The following GRM5 variants were observed in gnomAD, a reference collection of about 807,000 sequenced individuals.
GRM5 encodes glutamate metabotropic receptor 5.
In GRM5, 19 loss-of-function variants were observed where a neutral mutation model predicts 83.1. The ratio of observed to expected loss-of-function variants is 0.23; its 90% CI spans 0.16 to 0.34. The LOEUF is 0.34. Among genes scored for constraint, GRM5 ranks in the 10% least tolerant of loss-of-function variants. GRM5 has a pLI of 1.00. For synonymous variants in GRM5, 675 were observed against 633.6 expected, an observed-to-expected ratio of 1.07 and a Z score of -0.98; for missense variants, 1,160 against 1,588.3, an observed-to-expected ratio of 0.73 and a Z score of 4.58.
chr11:89,039,954 G>A, intron 2 of GRM5, among the ~76,000 whole-genome samples: 1 of 152,262 alleles, frequency 6.6e-6, no homozygotes, highest in East Asian at 1.9e-4. Flanking sequence ...ACCATGTCTA[G>A]CTAATTTTTC....
At chr11:88,627,009 A>G (rs1938816769) in intron 4 of GRM5, among the ~76,000 whole-genome samples, 1 of 152,132 alleles carries the variant, frequency 6.6e-6, no homozygotes, top group South Asian at 2.1e-4. Context: ...TGTCAATGTT[A>G]TTTTCTTATG....
chr11:88,631,771 G>A (rs1938976074), intron 4 of GRM5, among the ~76,000 whole-genome samples: 1 of 152,148 alleles, frequency 6.6e-6, no homozygotes. Context: ...GGGATTAAAA[G>A]CAGGAGGAGA....
At chr11:89,024,924 A>T (rs1941092979) in intron 2 of GRM5, among the ~76,000 whole-genome samples, 1 of 152,180 alleles carries the variant, frequency 6.6e-6, no homozygotes, top group Non-Finnish European at 1.5e-5. Flanking sequence ...TAATCAAATG[A>T]GCTCTACACC....
rs962331566 is a variant in GRM5 at position 88,745,934 on chromosome 11, G to A, written c.912-92531C>T. On this transcript the variant is annotated intron_variant, in intron 3 of 9. Transcript: ENST00000305447. The stretch of plus-strand genomic sequence containing the variant: ...TGACCTTGGGAATATTATTTAGTCC[G>A]TCTGTGTCTTGGTTCCCTCATCTTT... Among the ~76,000 whole-genome samples the A allele has an allele frequency of 5.9e-5, 9 of 152,142 alleles. No individual in the cohort carries two copies. In the South Asian group the frequency reaches 8.3e-4, roughly 14 times the overall value.
intron 9 of GRM5, among the ~76,000 whole-genome samples, chr11:88,519,474 G>A (rs1289752483): frequency 1.7e-4 from 26 of 152,060 alleles, no homozygotes; most frequent in Non-Finnish European, 4.4e-5. Context: ...GTGAATTGCA[G>A]AATCAGACTG....
Position 88,928,060 on chromosome 11 carries a change from C to T in GRM5, c.662-77905G>A, listed in dbSNP as rs1255329260. Among the ~76,000 whole-genome samples, 4 of 151,938 alleles carry T rather than the reference C, an allele frequency of 2.6e-5. No homozygotes were observed. The East Asian group carries it at 7.7e-4, about 29-fold the overall frequency. Reference sequence around the variant, plus strand: ...TATTACCAGGGGCTCATGAGTAGACCCTAAAAGGTTTGTGAACCCTCTTAG... The same window carrying T: ...TATTACCAGGGGCTCATGAGTAGACTCTAAAAGGTTTGTGAACCCTCTTAG... On this transcript the variant is annotated intron_variant, in intron 2 of 9. Transcript: ENST00000305447.
chr11:89,023,670 C>T (rs1291820865), intron 2 of GRM5, among the ~76,000 whole-genome samples: 1 of 151,142 alleles, frequency 6.6e-6, no homozygotes, highest in Non-Finnish European at 1.5e-5. Flanking sequence ...ATAGCGAAAC[C>T]CCGTCTCTAC....
At chr11:88,711,184 C>T (rs1941272399) in intron 3 of GRM5, among the ~76,000 whole-genome samples, 1 of 152,012 alleles carries the variant, frequency 6.6e-6, no homozygotes, top group Non-Finnish European at 1.5e-5. Context: ...TGAAGAAGGG[C>T]TCTGACAGCA....
At chr11:88,959,766 G>T (rs1265672382) in intron 2 of GRM5, among the ~76,000 whole-genome samples, 2 of 152,136 alleles carry the variant, frequency 1.3e-5, no homozygotes, top group African/African-American at 4.8e-5. Context: ...CCACTGCCTA[G>T]CCAGGAAGAG....
intron 8 of GRM5, among the ~76,000 whole-genome samples, chr11:88,545,901 T>TATATTGTCTGATCCCCAATCCTCC (rs1942377813): frequency 6.6e-6 from 1 of 152,112 alleles, no homozygotes; most frequent in Admixed American, 6.6e-5. Context: ...ATATATTTTG[T>TATATTGTCTGATCCCCAATCCTCC]ATATTGTCTG....
chr11:88,879,505 G>C (rs1212457384), intron 2 of GRM5, among the ~76,000 whole-genome samples: 1 of 151,842 alleles, frequency 6.6e-6, no homozygotes, highest in East Asian at 1.9e-4. Context: ...AATTTCAAAA[G>C]AGAAATTTAG....
intron 2 of GRM5, among the ~76,000 whole-genome samples, chr11:89,042,505 A>G (rs1214653473): frequency 6.6e-6 from 1 of 152,214 alleles, no homozygotes; most frequent in East Asian, 1.9e-4. Flanking sequence ...CAGTGTTAAC[A>G]TTCTATGGAA....
At chr11:88,736,359 G>C (rs2701350) in intron 3 of GRM5, among the ~76,000 whole-genome samples, 1 of 152,000 alleles carries the variant, frequency 6.6e-6, no homozygotes. Context: ...CCCTTACTCA[G>C]GTAAAGAAGG....
intron 2 of GRM5, among the ~76,000 whole-genome samples, chr11:88,988,148 T>C (rs976841686): frequency 1.9e-4 from 28 of 149,864 alleles, no homozygotes; most frequent in African/African-American, 6.7e-4. Flanking sequence ...GAATAACCAA[T>C]ACAGAGAAGT....
intron 2 of GRM5, among the ~76,000 whole-genome samples, chr11:89,014,925 G>A (rs1218039273): frequency 4.6e-5 from 7 of 152,310 alleles, no homozygotes; most frequent in Non-Finnish European, 7.3e-5. Flanking sequence ...AGTGCCCACT[G>A]TACGTGTTCA....
intron 2 of GRM5, among the ~76,000 whole-genome samples, chr11:88,913,230 G>A (rs1450312064): frequency 2.0e-5 from 3 of 152,102 alleles, no homozygotes; most frequent in East Asian, 1.9e-4. Context: ...TCTGATCAGT[G>A]AGAAAATCAG....
rs1177075162 is a variant in GRM5 at position 88,798,821 on chromosome 11, A to C, written c.911+51085T>G. Among the ~76,000 whole-genome samples the C allele has an allele frequency of 5.5e-5, 4 of 73,172 alleles. No homozygotes were observed. In the East Asian group the frequency reaches 2.2e-3, roughly 40 times the overall value. The allele number at this position is 73,172 out of a possible 152,430, so 48.0% of individuals were successfully genotyped here. Reference sequence around the variant, plus strand: ...TGAAAACACCAAAAAAAAAAAAAAAAAAAAAACAACAACAACAACAAAAAA... The same window carrying C: ...TGAAAACACCAAAAAAAAAAAAAAACAAAAAACAACAACAACAACAAAAAA... On this transcript the variant is annotated intron_variant, in intron 3 of 9. Transcript: ENST00000305447.
Position 88,687,579 on chromosome 11 carries a change from A to ATATATT in GRM5, c.912-34177_912-34176insAATATA, listed in dbSNP as rs1250226972. 7.0e-4 allele frequency among the ~76,000 whole-genome samples: 33 copies of ATATATT among 46,824 alleles called. 3 individuals carry two copies. The highest frequency in any genetic ancestry group is 1.4e-3 in the East Asian group (2 of 1,420). The allele number at this position is 46,824 out of a possible 152,430, so 30.7% of individuals were successfully genotyped here. On this transcript the variant is annotated intron_variant, in intron 3 of 9. Coordinates refer to ENST00000305447, the MANE Select transcript of GRM5 (RefSeq NM_001143831.3). ...ATATATATTATATATATATATATAT[A>ATATATT]ATATATATATATATATATTCTCCAC...
chr11:88,711,541 C>A (rs1043079311), intron 3 of GRM5, among the ~76,000 whole-genome samples: 2 of 152,130 alleles, frequency 1.3e-5, no homozygotes, highest in African/African-American at 4.8e-5. Context: ...AGGTACTTCT[C>A]CACTCTGATT....
Sources: gnomAD v4.1 joint callset for allele counts (sites outside exome capture counted in the v4.1 genomes callset) on GRCh38, gnomAD v4.1.1 for gene constraint, MANE v1.5 for transcripts, NCBI Gene and HGNC (gene_info 2026-07-23, HGNC 2026-07-21) for gene names.